LRIG2: variants seen among roughly 807,000 people sequenced by gnomAD.
The protein encoded by LRIG2 is leucine rich repeats and immunoglobulin like domains 2, also known as leucine-rich repeats and immunoglobulin-like domains protein 2.
In LRIG2, 93 loss-of-function variants were observed where a neutral mutation model predicts 107.8. The ratio of observed to expected loss-of-function variants is 0.86; its 90% CI spans 0.73 to 1.03. LRIG2 has a LOEUF of 1.03. LRIG2 is among the 50% of genes least tolerant of loss of function. LRIG2 has a pLI of 0.00. For missense variants in LRIG2, 1,226 were observed against 1,296.0 expected, an observed-to-expected ratio of 0.95 and a Z score of 0.83; for synonymous variants, 471 against 470.6, an observed-to-expected ratio of 1.00 and a Z score of -0.01.
rs890058335 is a variant in LRIG2 at position 113,123,876 on chromosome 1, A to G, written c.2973A>G (p.Glu991=). 6.2e-7 allele frequency: 1 copy of G among 1,613,742 alleles called. No homozygotes were observed. Among genetic ancestry groups the G allele is most frequent in the Non-Finnish European group, 8.5e-7 (1 of 1,179,730 alleles). Residue 991 remains glutamate, a splice_region_variant and synonymous_variant, in exon 18 of 18, where the codon GAA becomes GAG. Transcript: ENST00000361127. The part of the protein sequence containing the change: ...KKLPSTQMSG[E]TLQRPVWNIN... ...ATAATTCTTGTCTTTCATTCTCAGAAACATTGCAGCGGCCCGTGTGGAACA... is the reference window on the plus strand; with the variant it reads ...ATAATTCTTGTCTTTCATTCTCAGAGACATTGCAGCGGCCCGTGTGGAACA...
In LRIG2 at chr1:113,126,996, C is replaced by T. The variant is rs77952425; in HGVS notation, c.*2895C>T. 0.011 allele frequency: 1,747 copies of T among 152,726 alleles called. 15 individuals carry two copies. Among genetic ancestry groups the T allele is most frequent in the Non-Finnish European group, 0.019 (1,277 of 68,024 alleles). The allele number at this position is 152,726 out of a possible 1,614,324, so 9.5% of individuals were successfully genotyped here. On this transcript the variant is annotated 3_prime_UTR_variant, in exon 18 of 18. Coordinates refer to ENST00000361127, the MANE Select transcript of LRIG2 (RefSeq NM_014813.3). Reference sequence around the variant, plus strand: ...CTGGAAAGTTGTCTGGCTGTTATGACACAGTATTGAAATACCAGACTGAGT... The same window carrying T: ...CTGGAAAGTTGTCTGGCTGTTATGATACAGTATTGAAATACCAGACTGAGT...
intron 1 of LRIG2, among the ~76,000 whole-genome samples, chr1:113,090,854 A>AAC (rs1408148278): frequency 6.7e-6 from 1 of 149,588 alleles, no homozygotes; most frequent in Non-Finnish European, 1.5e-5. Flanking sequence ...AAAACAAAAA[A>AAC]ATTTTTTTTT....
intron 1 of LRIG2, among the ~76,000 whole-genome samples, chr1:113,073,968 T>C (rs1440866481): frequency 1.7e-5 from 2 of 117,242 alleles, no homozygotes; most frequent in Admixed American, 2.2e-4. Flanking sequence ...GCATTGACTT[T>C]GGATGGTTGG....
chr1:113,120,104 C>T (rs969819628), intron 17 of LRIG2, among the ~76,000 whole-genome samples: 4 of 151,658 alleles, frequency 2.6e-5, no homozygotes, highest in East Asian at 2.0e-4. Context: ...CCACCGCACC[C>T]GGTATCATAT....
At chr1:113,074,555 C>T (rs527956870) in intron 1 of LRIG2, among the ~76,000 whole-genome samples, 9 of 152,276 alleles carry the variant, frequency 5.9e-5, no homozygotes, top group South Asian at 4.1e-4. Context: ...AGTTATTTCT[C>T]GTCACTAACT....
At position 113,130,071 on chromosome 1, in the gene LRIG2, A is replaced by AGAT. The variant is rs1156814269; in HGVS notation, c.*5972_*5974dup. On this transcript the variant is annotated 3_prime_UTR_variant, in exon 18 of 18. Coordinates refer to ENST00000361127, the MANE Select transcript of LRIG2 (RefSeq NM_014813.3). Reference sequence around the variant, plus strand: ...CGGCTAATTTTTGTATTTTTTGTAGAGATGGAGTTTCACCTTGTTGCCCAG... The same window carrying AGAT: ...CGGCTAATTTTTGTATTTTTTGTAGAGATGATGGAGTTTCACCTTGTTGCCCAG... The AGAT allele has an allele frequency of 2.0e-5, 3 of 152,132 alleles. No homozygotes were observed. The highest frequency in any genetic ancestry group is 4.4e-5 in the Non-Finnish European group (3 of 68,060). The allele number at this position is 152,132 out of a possible 1,614,324, so 9.4% of individuals were successfully genotyped here.
intron 16 of LRIG2, 137 bp from the exon 17 acceptor site, chr1:113,119,096 T>A (rs1340253972): frequency 1.3e-6 from 1 of 745,674 alleles, no homozygotes; most frequent in Admixed American, 2.7e-5. Flanking sequence ...AGAAATGGCT[T>A]GAAACTTCAC....
At position 113,131,843 on chromosome 1, in the gene LRIG2, T is replaced by TGTGTGTGTGTGA. The variant is rs1655713174; in HGVS notation, c.*7743_*7744insTGTGTGTGTGAG. On this transcript the variant is annotated 3_prime_UTR_variant, in exon 18 of 18. Coordinates refer to ENST00000361127, the MANE Select transcript of LRIG2 (RefSeq NM_014813.3). Reference sequence around the variant, plus strand: ...GTGTGTGTGTGTGTGTGTGTGTGTGTGAAGATGGAATAGGGTGAAGGTGAA... The same window carrying TGTGTGTGTGTGA: ...GTGTGTGTGTGTGTGTGTGTGTGTGTGTGTGTGTGTGAGAAGATGGAATAGGGTGAAGGTGAA... 7.3e-6 allele frequency: 1 copy of TGTGTGTGTGTGA among 136,486 alleles called. No individual in the cohort carries two copies. Among genetic ancestry groups the TGTGTGTGTGTGA allele is most frequent in the African/African-American group, 2.7e-5 (1 of 37,158 alleles). The allele number at this position is 136,486 out of a possible 1,614,324, so 8.5% of individuals were successfully genotyped here. A position where few individuals can be genotyped will look rare whatever the true frequency, so the allele number is the denominator to read the frequency against.
At chr1:113,086,959 A>G (rs1344142895) in intron 1 of LRIG2, among the ~76,000 whole-genome samples, 2 of 152,210 alleles carry the variant, frequency 1.3e-5, no homozygotes, top group African/African-American at 4.8e-5. Flanking sequence ...AGCCTGGGCA[A>G]CATAGGGAGA....
intron 1 of LRIG2, among the ~76,000 whole-genome samples, chr1:113,084,327 T>C (rs1653444655): frequency 6.7e-6 from 1 of 149,980 alleles, no homozygotes; most frequent in Non-Finnish European, 1.5e-5. Context: ...GCCATTCTCC[T>C]GCCTCAGCCT....
intron 16 of LRIG2, among the ~76,000 whole-genome samples, chr1:113,118,422 C>T (rs1045334086): frequency 9.9e-5 from 15 of 152,168 alleles, no homozygotes; most frequent in African/African-American, 2.9e-4. Flanking sequence ...GTTACTTAAC[C>T]TCTTGACTCA....
Position 113,124,049 on chromosome 1 carries a change from C to T in LRIG2, c.3146C>T (p.Ala1049Val). 6.2e-7 allele frequency: 1 copy of T among 1,614,134 alleles called. No individual in the cohort carries two copies. Among genetic ancestry groups the T allele is most frequent in the Non-Finnish European group, 8.5e-7 (1 of 1,180,032 alleles). The change falls in exon 18 of 18, where the codon GCT (alanine) becomes GTT (valine). Residue 1049 changes from alanine (A) to valine (V), a missense_variant. Physicochemically the swap from Ala to Val is moderately conservative, Grantham distance 64. Coordinates refer to ENST00000361127, the MANE Select transcript of LRIG2 (RefSeq NM_014813.3). ...TCCTGCCACAGGTTACAGGATCATG[C>T]TTTTGATTTTAGTAGGACTCGGAAC... Reference protein sequence around the residue: ...SMSCHRLQDHAFDFSRTRNIQ... With the variant: ...SMSCHRLQDHVFDFSRTRNIQ...
chr1:113,114,487 T>C lies in LRIG2; in HGVS notation c.2141T>C (p.Val714Ala), dbSNP rs769925632. The change falls in exon 15 of 18, where the codon GTG becomes GCG. Residue 714 changes from valine to alanine, a missense_variant. Around this residue, in one of 3 missense-constraint regions of LRIG2, gnomAD observed 642 missense variants for 712.2 expected, o/e 0.90. Coordinates refer to ENST00000361127, the MANE Select transcript of LRIG2 (RefSeq NM_014813.3). The stretch of plus-strand genomic sequence containing the variant: ...ACAGTAACACGAGGTGAAACTGCGG[T>C]GTTACAGTGCATAGCTGGAGGGAGT... ...DKTVTRGETA[V>A]LQCIAGGSPA... 3.7e-6 allele frequency: 6 copies of C among 1,613,468 alleles called. No individual in the cohort carries two copies. In the African/African-American group the frequency reaches 6.7e-5, roughly 18 times the overall value.
chr1:113,108,435 G>A (rs532522980), intron 12 of LRIG2, among the ~76,000 whole-genome samples: 26 of 151,534 alleles, frequency 1.7e-4, no homozygotes, highest in South Asian at 6.3e-4. Flanking sequence ...TGTTGGCCAG[G>A]CTGGTCTTGA....
rs1208127813 is a variant in LRIG2, at chr1:113,124,305, C to T, written c.*204C>T. On this transcript the variant is annotated 3_prime_UTR_variant, in exon 18 of 18. Transcript: ENST00000361127. ...ACAGCTGACAGAAATGGGTACAGCTCATCAAAAATGTGCAGCACCGGCAGA... is the reference window on the plus strand; with the variant it reads ...ACAGCTGACAGAAATGGGTACAGCTTATCAAAAATGTGCAGCACCGGCAGA... 4 of 591,534 alleles carry T rather than the reference C, an allele frequency of 6.8e-6. No homozygotes were observed. Among genetic ancestry groups the T allele is most frequent in the Admixed American group, 3.0e-5 (1 of 33,542 alleles). The allele number at this position is 591,534 out of a possible 1,614,324, so 36.6% of individuals were successfully genotyped here.
In LRIG2 at chr1:113,115,347, G is replaced by A. The variant is rs12408833; in HGVS notation, c.2530+471G>A. ...CTCCCATCTCGGCCTTCTGAGAAGC[G>A]GGGACTATAGGCATGTGCCACCGCG... On this transcript the variant is annotated intron_variant, in intron 15 of 17. Coordinates refer to ENST00000361127, the MANE Select transcript of LRIG2 (RefSeq NM_014813.3). Among the ~76,000 whole-genome samples the A allele has an allele frequency of 2.8e-3, 423 of 152,046 alleles. 5 individuals carry two copies. The highest frequency in any genetic ancestry group is 9.3e-3 in the African/African-American group (387 of 41,472).
intron 1 of LRIG2, among the ~76,000 whole-genome samples, chr1:113,075,691 A>ATT (rs1652945095): frequency 2.1e-5 from 2 of 97,242 alleles, no homozygotes; most frequent in Non-Finnish European, 2.1e-5. Context: ...TGTGGCCTAT[A>ATT]CTTTTTTTTT....
chr1:113,110,453 T>C lies in LRIG2; in HGVS notation c.1689T>C (p.Ser563=). 6.2e-7 allele frequency: 1 copy of C among 1,613,776 alleles called. No homozygotes were observed. Among genetic ancestry groups the C allele is most frequent in the Non-Finnish European group, 8.5e-7 (1 of 1,179,604 alleles). The change falls in exon 13 of 18, where the codon AGT becomes AGC. Residue 563 remains serine, a synonymous_variant. Coordinates refer to ENST00000361127, the MANE Select transcript of LRIG2 (RefSeq NM_014813.3). The part of the protein sequence containing the change: ...QQAGEALEYT[S]ILHLFNVNFT... ...CTGGAGAAGCTCTGGAATATACTAG[T>C]ATCTTACATCTTTTCAATGTGAATT...
Position 113,119,393 on chromosome 1 carries a change from AG to A in LRIG2, c.2842del (p.Val948TyrfsTer10). The A allele has an allele frequency of 6.2e-7, 1 of 1,614,128 alleles. No individual in the cohort carries two copies. On this transcript the variant is annotated frameshift_variant, in exon 17 of 18. Transcript: ENST00000361127. LOFTEE classifies it high-confidence loss of function. ...MVQMPKETYLVHPPQDTTALE... is the reference protein window; with the variant it reads ...MVQMPKETYLXHPPQDTTALE... Reference sequence around the variant, plus strand: ...TCCAAATGCCTAAAGAGACATATTTAGTACATCCTCCCCAGGATACTACTGC... The same window carrying A: ...TCCAAATGCCTAAAGAGACATATTTATACATCCTCCCCAGGATACTACTGC...
Sources: allele counts gnomAD v4.1 joint callset (sites outside exome capture counted in the v4.1 genomes callset), GRCh38; gene constraint gnomAD v4.1.1; regional missense constraint gnomAD v4.1.1; transcripts MANE v1.5; gene names NCBI Gene and HGNC (gene_info 2026-07-23, HGNC 2026-07-21).